Variants in RALGAPA2 observed in about 807,000 individuals in gnomAD.
The protein encoded by RALGAPA2 is Ral GTPase activating protein catalytic subunit alpha 2.
In RALGAPA2, 139 loss-of-function variants were observed where a neutral mutation model predicts 230.4. The ratio of observed to expected loss-of-function variants is 0.60; its 90% CI spans 0.53 to 0.69. RALGAPA2 has a LOEUF of 0.69. Ranked by LOEUF, RALGAPA2 falls within the 30% of genes least tolerant of loss-of-function variation. The pLI is 0.00. For synonymous variants in RALGAPA2, 847 were observed against 837.8 expected, an observed-to-expected ratio of 1.01 and a Z score of -0.19; for missense variants, 2,163 against 2,276.0, an observed-to-expected ratio of 0.95 and a Z score of 1.01.
rs2059768322 is a variant in RALGAPA2, at chr20:20,398,678, T to G, written c.5618-1944A>C. 2.0e-5 allele frequency among the ~76,000 whole-genome samples: 3 copies of G among 149,694 alleles called. No individual in the cohort carries two copies. Among genetic ancestry groups the G allele is most frequent in the Admixed American group, 6.7e-5 (1 of 15,020 alleles). ...GGGCAATGTGCTCGGAGATGGGGGG[T>G]GGGAAGAGGCCAGGAGGGACCTGAC... On this transcript the variant is annotated intron_variant, in intron 38 of 39. Coordinates refer to ENST00000202677, the MANE Select transcript of RALGAPA2 (RefSeq NM_020343.4). This position sits in a 1 kb window ranked among gnomAD's most constrained non-coding sequence, Gnocchi z 4.5.
At chr20:20,434,321 T>A (rs2060563232) in intron 37 of RALGAPA2, among the ~76,000 whole-genome samples, 1 of 151,994 alleles carries the variant, frequency 6.6e-6, no homozygotes, top group African/African-American at 2.4e-5. Flanking sequence ...AAATCCACAG[T>A]CAGCAACGAG....
At chr20:20,608,592 CA>C (rs367574012) in intron 14 of RALGAPA2, among the ~76,000 whole-genome samples, 3 of 150,726 alleles carry the variant, frequency 2.0e-5, no homozygotes, top group Admixed American at 1.3e-4. Flanking sequence ...CTCAATTTTT[CA>C]AAAAAAAATC....
intron 3 of RALGAPA2, among the ~76,000 whole-genome samples, chr20:20,656,437 G>A (rs2067591405): frequency 6.6e-6 from 1 of 152,116 alleles, no homozygotes. Context: ...CTTGCCTTGA[G>A]AACACACAAC....
At chr20:20,541,934 T>TA (rs1568557253) in intron 24 of RALGAPA2, among the ~76,000 whole-genome samples, 1 of 152,078 alleles carries the variant, frequency 6.6e-6, no homozygotes, top group East Asian at 1.9e-4. Context: ...TCGGGCAAGA[T>TA]AAAGAAATAA....
intron 15 of RALGAPA2, among the ~76,000 whole-genome samples, chr20:20,604,451 C>T (rs1178642962): frequency 6.6e-6 from 1 of 152,204 alleles, no homozygotes; most frequent in Non-Finnish European, 1.5e-5. Context: ...AATTTCTCCA[C>T]GTTTCCTAGA....
chr20:20,401,126 T>C (rs780452731), intron 38 of RALGAPA2, among the ~76,000 whole-genome samples: 4 of 152,172 alleles, frequency 2.6e-5, no homozygotes, highest in Non-Finnish European at 5.9e-5. Flanking sequence ...ACCTAATGAA[T>C]AGACCAAAAA....
intron 23 of RALGAPA2, among the ~76,000 whole-genome samples, chr20:20,570,074 T>C (rs1028531709): frequency 6.6e-6 from 1 of 152,168 alleles, no homozygotes; most frequent in African/African-American, 2.4e-5. Flanking sequence ...TGTAAAATAT[T>C]TGAGCAGGGA....
chr20:20,393,982 G>C (rs952895367), intron 39 of RALGAPA2, among the ~76,000 whole-genome samples: 1 of 152,080 alleles, frequency 6.6e-6, no homozygotes, highest in Non-Finnish European at 1.5e-5. Flanking sequence ...CCTTCCCCTC[G>C]TAGTGTATTT....
At chr20:20,561,303 T>C (rs2064249630) in intron 23 of RALGAPA2, among the ~76,000 whole-genome samples, 1 of 152,222 alleles carries the variant, frequency 6.6e-6, no homozygotes, top group Non-Finnish European at 1.5e-5. Flanking sequence ...TCTGTCTCCA[T>C]GCACCAGCCC....
At chr20:20,401,712 T>C (rs911740687) in intron 38 of RALGAPA2, among the ~76,000 whole-genome samples, 5 of 152,128 alleles carry the variant, frequency 3.3e-5, no homozygotes, top group African/African-American at 1.2e-4. Context: ...TTGTGTGAGG[T>C]GTCTGAGGAA....
intron 37 of RALGAPA2, among the ~76,000 whole-genome samples, chr20:20,444,403 G>A (rs1333934945): frequency 6.6e-6 from 1 of 151,976 alleles, no homozygotes; most frequent in Non-Finnish European, 1.5e-5. Flanking sequence ...CCAATTTGAG[G>A]AGATCTTACT....
chr20:20,707,140 C>T (rs1401082997), intron 1 of RALGAPA2, among the ~76,000 whole-genome samples: 1 of 152,110 alleles, frequency 6.6e-6, no homozygotes, highest in Non-Finnish European at 1.5e-5. Flanking sequence ...GTAGATGACA[C>T]TCCTATTATC....
At chr20:20,568,869 T>G (rs2064534598) in intron 23 of RALGAPA2, among the ~76,000 whole-genome samples, 1 of 152,242 alleles carries the variant, frequency 6.6e-6, no homozygotes, top group Non-Finnish European at 1.5e-5. Flanking sequence ...TTTAAACAAT[T>G]ATTTATGATT....
chr20:20,595,499 C>T (rs1362439056), intron 16 of RALGAPA2, among the ~76,000 whole-genome samples: 2 of 152,038 alleles, frequency 1.3e-5, no homozygotes, highest in African/African-American at 2.4e-5. Flanking sequence ...GCAGAAGCAG[C>T]GAGGCAAGGT....
chr20:20,504,101 T>C (rs1193963036), intron 34 of RALGAPA2, among the ~76,000 whole-genome samples: 1 of 152,224 alleles, frequency 6.6e-6, no homozygotes, highest in African/African-American at 2.4e-5. Flanking sequence ...GTAAAATACC[T>C]ATTCTAACAT....
intron 37 of RALGAPA2, among the ~76,000 whole-genome samples, chr20:20,431,195 C>A (rs898275593): frequency 6.6e-6 from 1 of 152,146 alleles, no homozygotes; most frequent in African/African-American, 2.4e-5. Flanking sequence ...AGAAGCCATG[C>A]CCAGAGAACT....
At chr20:20,614,755 G>A (rs186569493) in intron 13 of RALGAPA2, among the ~76,000 whole-genome samples, 1 of 152,116 alleles carries the variant, frequency 6.6e-6, no homozygotes, top group Admixed American at 6.5e-5. Context: ...GTTCCTTTCC[G>A]ATCAGACCTG....
chr20:20,635,031 CA>C (rs2066810549), intron 9 of RALGAPA2, among the ~76,000 whole-genome samples: 1 of 152,168 alleles, frequency 6.6e-6, no homozygotes, highest in African/African-American at 2.4e-5. Context: ...AGGTCCTTTC[CA>C]GGGGCCACTT....
chr20:20,515,900 G>A (rs917977464), intron 31 of RALGAPA2, among the ~76,000 whole-genome samples: 1 of 152,184 alleles, frequency 6.6e-6, no homozygotes, highest in African/African-American at 2.4e-5. Flanking sequence ...TGGGCAGACA[G>A]GAGGGGCACT....
Sources: allele counts gnomAD v4.1 joint callset (sites outside exome capture counted in the v4.1 genomes callset), GRCh38; gene constraint gnomAD v4.1.1; non-coding constraint Gnocchi (gnomAD v3.1); transcripts MANE v1.5; gene names NCBI Gene and HGNC (gene_info 2026-07-23, HGNC 2026-07-21).